The following ADGRL2 variants were observed in gnomAD, a reference collection of about 807,000 sequenced individuals.
The protein encoded by ADGRL2 is adhesion G protein-coupled receptor L2.
In ADGRL2, 44 loss-of-function variants were observed where a neutral mutation model predicts 157.4. The ratio of observed to expected loss-of-function variants is 0.28; its 90% CI spans 0.22 to 0.36. ADGRL2 has a LOEUF of 0.36. ADGRL2 is among the 10% of genes least tolerant of loss of function. ADGRL2 has a pLI of 1.00. For missense variants in ADGRL2, 1,510 were observed against 1,768.9 expected (o/e 0.85, Z 2.63); for synonymous variants, 585 against 624.7 (o/e 0.94, Z 0.95).
intron 2 of ADGRL2, chr1:81,514,982 C>T (rs111572057): frequency 5.3e-5 from 8 of 152,280 alleles, no homozygotes; most frequent in African/African-American, 1.9e-4. Context: ...TGGTATTCCT[C>T]CGTGATTTAA....
intron 2 of ADGRL2, among the ~76,000 whole-genome samples, chr1:81,570,668 C>T (rs1438831215): frequency 2.0e-5 from 3 of 152,168 alleles, no homozygotes; most frequent in African/African-American, 4.8e-5. Context: ...AGATTACAGA[C>T]GTGAGCCACT....
At chr1:81,660,090 T>C (rs889447865) in intron 3 of ADGRL2, among the ~76,000 whole-genome samples, 4 of 152,194 alleles carry the variant, frequency 2.6e-5, no homozygotes, top group African/African-American at 9.7e-5. Context: ...AGCAGAGGTT[T>C]CAGTAATGAA....
chr1:81,478,181 G>A (rs543740327), intron 2 of ADGRL2, among the ~76,000 whole-genome samples: 1 of 152,274 alleles, frequency 6.6e-6, no homozygotes, highest in South Asian at 2.1e-4. Context: ...GGAGCAAGGG[G>A]CAGGAGGAGT....
intron 1 of ADGRL2, among the ~76,000 whole-genome samples, chr1:81,355,188 T>TA (rs982190861): frequency 5.3e-5 from 8 of 151,782 alleles, no homozygotes; most frequent in South Asian, 4.2e-4. Context: ...CCAACTCTAC[T>TA]AAAAAAACAC....
At chr1:81,895,085 A>G (rs538458670) in intron 2 of ADGRL2, among the ~76,000 whole-genome samples, 348 of 152,270 alleles carry the variant, frequency 2.3e-3, no homozygotes, top group Non-Finnish European at 4.1e-3. Context: ...TTTCCTTTCT[A>G]AGACACTTGC....
intron 17 of ADGRL2, among the ~76,000 whole-genome samples, chr1:81,977,833 A>G (rs1660602654): frequency 6.6e-6 from 1 of 151,746 alleles, no homozygotes; most frequent in African/African-American, 2.4e-5. Flanking sequence ...TATGTTCAGA[A>G]GTTTGGGATA....
At chr1:81,359,121 A>G (rs2075926876) in intron 1 of ADGRL2, among the ~76,000 whole-genome samples, 1 of 151,796 alleles carries the variant, frequency 6.6e-6, no homozygotes, top group African/African-American at 2.4e-5. Flanking sequence ...TGTAGTTGGG[A>G]GGTGGTATGG....
At chr1:81,377,429 A>T (rs987381889) in intron 1 of ADGRL2, among the ~76,000 whole-genome samples, 1 of 152,206 alleles carries the variant, frequency 6.6e-6, no homozygotes, top group Non-Finnish European at 1.5e-5. Flanking sequence ...CAGTATCAAA[A>T]TTAGCAAAAT....
At chr1:81,334,912 A>ATAAAGGTG (rs112505045) in intron 1 of ADGRL2, among the ~76,000 whole-genome samples, 1 of 152,204 alleles carries the variant, frequency 6.6e-6, no homozygotes, top group Non-Finnish European at 1.5e-5. Flanking sequence ...GAAAAAAGAA[A>ATAAAGGTG]TAAAGGTGTA....
At chr1:81,497,776 T>A (rs1343178996) in intron 2 of ADGRL2, among the ~76,000 whole-genome samples, 1 of 152,236 alleles carries the variant, frequency 6.6e-6, no homozygotes, top group Non-Finnish European at 1.5e-5. Context: ...ACAGAGGAAG[T>A]GTTACATAGT....
intron 2 of ADGRL2, among the ~76,000 whole-genome samples, chr1:81,875,515 A>T (rs191488403): frequency 1.7e-3 from 261 of 152,312 alleles, no homozygotes; most frequent in Admixed American, 5.4e-3. Flanking sequence ...ATTGTTATAT[A>T]GGATTTTTAA....
chr1:81,667,367 G>T (rs1003585634), intron 3 of ADGRL2, among the ~76,000 whole-genome samples: 1 of 152,082 alleles, frequency 6.6e-6, no homozygotes, highest in African/African-American at 2.4e-5. Flanking sequence ...CTCTCCCTTT[G>T]TACATTGGCT....
intron 2 of ADGRL2, among the ~76,000 whole-genome samples, chr1:81,559,525 G>A (rs544557303): frequency 3.1e-4 from 47 of 151,376 alleles, no homozygotes; most frequent in Middle Eastern, 3.4e-3. Context: ...GAATCAAATA[G>A]AATTTATAAG....
intron 3 of ADGRL2, chr1:81,596,424 T>C (rs1029823133): frequency 8.6e-6 from 4 of 467,238 alleles, no homozygotes; most frequent in Admixed American, 2.3e-5. Context: ...AGATTTTACA[T>C]TGCAGCTCGT....
intron 17 of ADGRL2, among the ~76,000 whole-genome samples, chr1:81,977,720 G>T (rs1262986254): frequency 1.3e-5 from 2 of 151,362 alleles, no homozygotes; most frequent in African/African-American, 2.4e-5. Context: ...CTAATATTTT[G>T]TTCCCAAGGG....
At chr1:81,732,804 A>G (rs2084769262) in intron 1 of ADGRL2, among the ~76,000 whole-genome samples, 1 of 152,202 alleles carries the variant, frequency 6.6e-6, no homozygotes, top group Non-Finnish European at 1.5e-5. Flanking sequence ...AATACCATAT[A>G]TATGTCTTAA....
intron 3 of ADGRL2, among the ~76,000 whole-genome samples, chr1:81,641,357 A>G (rs527700813): frequency 2.6e-5 from 4 of 152,320 alleles, no homozygotes; most frequent in East Asian, 1.9e-4. Flanking sequence ...TTATCCATCA[A>G]TACCACTATA....
At chr1:81,939,606 T>G (rs186833233) in intron 4 of ADGRL2, among the ~76,000 whole-genome samples, 14 of 151,656 alleles carry the variant, frequency 9.2e-5, no homozygotes, top group Non-Finnish European at 1.6e-4. Flanking sequence ...GGTTAATTTC[T>G]TGTCTTGCAT....
chr1:81,502,880 T>A (rs2148025755), intron 2 of ADGRL2: 1 of 1,613,406 alleles, frequency 6.2e-7, no homozygotes, highest in South Asian at 1.1e-5. Context: ...TTTCCCATCC[T>A]TGGGCTTGGC....
Sources: gnomAD v4.1 joint callset for allele counts (sites outside exome capture counted in the v4.1 genomes callset) on GRCh38, gnomAD v4.1.1 for gene constraint, MANE v1.5 for transcripts, NCBI Gene and HGNC (gene_info 2026-07-23, HGNC 2026-07-21) for gene names.